FAM168A: variants seen among roughly 807,000 people sequenced by gnomAD.
The protein encoded by FAM168A is family with sequence similarity 168 member A.
FAM168A carries 3 observed loss-of-function variants against 28.5 expected under a neutral mutation model. That is an observed-to-expected ratio of 0.11 (90% CI 0.05 to 0.27). FAM168A has a LOEUF of 0.27. Among genes scored for constraint, FAM168A ranks in the 10% least tolerant of loss-of-function variants. The pLI, the probability that FAM168A is intolerant of heterozygous loss-of-function variation, is 1.00. For missense variants in FAM168A, 222 were observed against 311.5 expected (o/e 0.71, Z 2.16); for synonymous variants, 122 against 124.2 (o/e 0.98, Z 0.12).
chr11:73,413,327 A>G lies in FAM168A; in HGVS notation c.278-1791T>C, dbSNP rs1005344952. 7.2e-5 allele frequency among the ~76,000 whole-genome samples: 11 copies of G among 152,216 alleles called. No individual in the cohort carries two copies. In the East Asian group the frequency reaches 2.1e-3, roughly 29 times the overall value. Reference sequence around the variant, plus strand: ...GCTTGGGAAATAAGTAACAATGAGGATAGAATGGAAAGTACATATGAAAGA... The same window carrying G: ...GCTTGGGAAATAAGTAACAATGAGGGTAGAATGGAAAGTACATATGAAAGA... On this transcript the variant is annotated intron_variant, in intron 4 of 7. Transcript: ENST00000356467.
chr11:73,576,517 G>A (rs1369591120), intron 1 of FAM168A, among the ~76,000 whole-genome samples: 1 of 152,170 alleles, frequency 6.6e-6, no homozygotes, highest in African/African-American at 2.4e-5. Context: ...AACTGAATGA[G>A]CGGTTACCAG....
At chr11:73,558,725 A>C (rs748368298) in intron 1 of FAM168A, among the ~76,000 whole-genome samples, 3 of 152,214 alleles carry the variant, frequency 2.0e-5, no homozygotes, top group Non-Finnish European at 4.4e-5. Flanking sequence ...GAGAAATACA[A>C]GTCAAAACCA....
chr11:73,431,961 C>A (rs1030723743), intron 2 of FAM168A, among the ~76,000 whole-genome samples: 2 of 152,186 alleles, frequency 1.3e-5, no homozygotes, highest in African/African-American at 4.8e-5. Flanking sequence ...AACCTCTAAT[C>A]TACTTTCTGT....
Position 73,573,439 on chromosome 11 carries a change from C to A in FAM168A, c.-19+24484G>T, listed in dbSNP as rs78203815. 9.8e-3 allele frequency among the ~76,000 whole-genome samples: 1,487 copies of A among 152,274 alleles called. 29 individuals carry two copies. The highest frequency in any genetic ancestry group is 0.033 in the African/African-American group (1,386 of 41,542). On this transcript the variant is annotated intron_variant, in intron 1 of 7. Coordinates refer to ENST00000356467, the MANE Select transcript of FAM168A (RefSeq NM_015159.3). ...ATCCAAATCTCAAGTCTAAGCTCTTCTCTAAGTCCTCTGGGCCTGCCTCAC... is the reference window on the plus strand; with the variant it reads ...ATCCAAATCTCAAGTCTAAGCTCTTATCTAAGTCCTCTGGGCCTGCCTCAC...
At chr11:73,567,549 T>C (rs1164365281) in intron 1 of FAM168A, among the ~76,000 whole-genome samples, 1 of 152,164 alleles carries the variant, frequency 6.6e-6, no homozygotes, top group Non-Finnish European at 1.5e-5. Context: ...ATAGTATCCA[T>C]TTTCCCTTGC....
chr11:73,574,969 A>ATTACTGAGCCCCTATCATG (rs11275128), intron 1 of FAM168A, among the ~76,000 whole-genome samples: 32,021 of 151,826 alleles, frequency 0.21, 5,631 homozygotes, highest in African/African-American at 0.49. Context: ...AAACCAACAT[A>ATTACTGAGCCCCTATCATG]TTACAGTCAT....
intron 1 of FAM168A, among the ~76,000 whole-genome samples, chr11:73,581,179 T>C (rs980930587): frequency 1.3e-5 from 2 of 152,226 alleles, no homozygotes; most frequent in Non-Finnish European, 2.9e-5. Flanking sequence ...TTCATTGGGT[T>C]TTATAGTGGC....
chr11:73,413,162 AC>A (rs1368278793), intron 4 of FAM168A, among the ~76,000 whole-genome samples: 3 of 151,634 alleles, frequency 2.0e-5, no homozygotes, highest in African/African-American at 7.3e-5. Context: ...TTGGCTTAGC[AC>A]CCCCCTGCCC....
chr11:73,480,836 G>A (rs536642583), intron 1 of FAM168A, among the ~76,000 whole-genome samples: 30 of 152,188 alleles, frequency 2.0e-4, no homozygotes, highest in Non-Finnish European at 4.0e-4. Context: ...TTCTTTCTAT[G>A]ATATCATGCT....
At chr11:73,410,127 C>G (rs1866583003) in intron 5 of FAM168A, among the ~76,000 whole-genome samples, 1 of 152,062 alleles carries the variant, frequency 6.6e-6, no homozygotes, top group South Asian at 2.1e-4. Context: ...AAAATGGCGG[C>G]TGGACACAGT....
intron 1 of FAM168A, among the ~76,000 whole-genome samples, chr11:73,597,277 G>A (rs1384521804): frequency 2.6e-5 from 4 of 151,846 alleles, no homozygotes; most frequent in East Asian, 1.9e-4. Flanking sequence ...CCTAACCCAT[G>A]CTATTCCATA....
chr11:73,590,906 G>C (rs201441358), intron 1 of FAM168A, among the ~76,000 whole-genome samples: 1 of 152,162 alleles, frequency 6.6e-6, no homozygotes, highest in Non-Finnish European at 1.5e-5. Flanking sequence ...ACTTTGGGAG[G>C]CCGAGGCAGG....
At chr11:73,458,050 T>C (rs1400695263) in intron 2 of FAM168A, among the ~76,000 whole-genome samples, 2 of 152,186 alleles carry the variant, frequency 1.3e-5, no homozygotes, top group Admixed American at 6.5e-5. Flanking sequence ...AACAATAATA[T>C]AATTTGTATA....
At position 73,425,155 on chromosome 11, in the gene FAM168A, A is replaced by C. The variant is rs1201749381; in HGVS notation, c.152-5156T>G. The C allele has an allele frequency of 5.6e-6, 4 of 709,462 alleles. No individual in the cohort carries two copies. The East Asian group carries it at 1.2e-4, about 21-fold the overall frequency. 43.9% of individuals were successfully genotyped at this position (709,462 alleles called of 1,614,324 possible). On this transcript the variant is annotated intron_variant, in intron 3 of 7. Transcript: ENST00000356467. ...TGTTTTGCAATAGCAGTTTCCCCCC[A>C]GCTTCACAAAAGCAGTAAATAAAGA...
At chr11:73,475,382 T>C (rs1275298114) in intron 1 of FAM168A, among the ~76,000 whole-genome samples, 1 of 152,136 alleles carries the variant, frequency 6.6e-6, no homozygotes, top group Non-Finnish European at 1.5e-5. Flanking sequence ...TCCTTTGAAG[T>C]AAGCAATGCA....
chr11:73,434,502 T>C (rs1867055054), intron 2 of FAM168A, among the ~76,000 whole-genome samples: 1 of 152,200 alleles, frequency 6.6e-6, no homozygotes, highest in African/African-American at 2.4e-5. Flanking sequence ...AGGAGTGTTT[T>C]AGACAAAACA....
chr11:73,556,522 G>C (rs1454719308), intron 1 of FAM168A, among the ~76,000 whole-genome samples: 1 of 151,952 alleles, frequency 6.6e-6, no homozygotes, highest in Non-Finnish European at 1.5e-5. Context: ...ATCGAATGGG[G>C]ATTGTCAGGG....
At chr11:73,409,009 T>C (rs1447514627) in intron 6 of FAM168A, among the ~76,000 whole-genome samples, 2 of 152,020 alleles carry the variant, frequency 1.3e-5, no homozygotes, top group Non-Finnish European at 2.9e-5. Flanking sequence ...GATCACCCCT[T>C]CTAATCCTGT....
intron 1 of FAM168A, among the ~76,000 whole-genome samples, chr11:73,571,896 G>A (rs999609825): frequency 1.4e-5 from 2 of 140,472 alleles, no homozygotes; most frequent in South Asian, 2.5e-4. Context: ...CTGCCCCACC[G>A]CCCCACCGCC....
Sources: allele counts gnomAD v4.1 joint callset (sites outside exome capture counted in the v4.1 genomes callset), GRCh38; gene constraint gnomAD v4.1.1; transcripts MANE v1.5; gene names NCBI Gene and HGNC (gene_info 2026-07-23, HGNC 2026-07-21).